The following ANO6 variants were observed in gnomAD, a reference collection of about 807,000 sequenced individuals.
The protein encoded by ANO6 is anoctamin 6, also known as anoctamin-6.
In ANO6, 106 loss-of-function variants were observed where a neutral mutation model predicts 117.5. The observed-to-expected ratio is 0.90, with a 90% CI of 0.77 to 1.06. ANO6 has a LOEUF of 1.06. ANO6 is among the 50% of genes least tolerant of loss of function. The pLI, the probability that ANO6 is intolerant of heterozygous loss-of-function variation, is 0.00. For missense variants in ANO6, 955 were observed against 1,121.1 expected (o/e 0.85, Z 2.12); for synonymous variants, 367 against 385.1 (o/e 0.95, Z 0.55).
chr12:45,256,440 A>T (rs772747544), intron 1 of ANO6: 2 of 152,164 alleles, frequency 1.3e-5, no homozygotes, highest in Non-Finnish European at 2.9e-5. Flanking sequence ...GATTGTTACT[A>T]CTGTTAATCA....
intron 2 of ANO6, among the ~76,000 whole-genome samples, chr12:45,316,686 G>C (rs1404592175): frequency 6.6e-6 from 1 of 151,754 alleles, no homozygotes; most frequent in Non-Finnish European, 1.5e-5. Context: ...TTTCTTAGGT[G>C]TTATAGATTA....
intron 1 of ANO6, among the ~76,000 whole-genome samples, chr12:45,286,127 T>A (rs1938906321): frequency 6.6e-6 from 1 of 152,178 alleles, no homozygotes; most frequent in Non-Finnish European, 1.5e-5. Context: ...CTGTTTTACC[T>A]CTGAGCAGCA....
intron 1 of ANO6, among the ~76,000 whole-genome samples, chr12:45,275,947 C>G (rs1938541306): frequency 6.6e-6 from 1 of 152,118 alleles, no homozygotes; most frequent in African/African-American, 2.4e-5. Context: ...ATCTCCAACA[C>G]TGAGCTCTTC....
chr12:45,276,203 A>G (rs1938549267), intron 1 of ANO6, among the ~76,000 whole-genome samples: 1 of 152,094 alleles, frequency 6.6e-6, no homozygotes, highest in African/African-American at 2.4e-5. Flanking sequence ...TCTACCTTCA[A>G]AATGATTTTG....
chr12:45,382,274 C>T (rs978792948), intron 10 of ANO6, among the ~76,000 whole-genome samples: 1 of 152,148 alleles, frequency 6.6e-6, no homozygotes, highest in Admixed American at 6.5e-5. Context: ...CAGGTGCAGA[C>T]CCTTCTTTCT....
intron 1 of ANO6, among the ~76,000 whole-genome samples, chr12:45,288,428 A>G (rs1304987682): frequency 1.3e-5 from 2 of 150,536 alleles, no homozygotes; most frequent in African/African-American, 5.0e-5. Flanking sequence ...GGCAACCTCC[A>G]TTCTACTTTC....
At chr12:45,263,367 C>CTTTTT (rs72457782) in intron 1 of ANO6, among the ~76,000 whole-genome samples, 1 of 79,172 alleles carries the variant, frequency 1.3e-5, no homozygotes, top group Non-Finnish European at 2.3e-5. Context: ...CTGGCCTGGC[C>CTTTTT]TTTTTTTTTT....
intron 1 of ANO6, chr12:45,292,661 A>G (rs1939141464): frequency 3.3e-6 from 4 of 1,225,670 alleles, no homozygotes; most frequent in Admixed American, 4.0e-5. Flanking sequence ...TAACTTCTAG[A>G]TGTATTTTTA....
At chr12:45,295,581 T>C (rs887349745) in intron 1 of ANO6, among the ~76,000 whole-genome samples, 1 of 152,130 alleles carries the variant, frequency 6.6e-6, no homozygotes, top group South Asian at 2.1e-4. Context: ...TGAGACAGAG[T>C]CTTACTCGGT....
intron 3 of ANO6, among the ~76,000 whole-genome samples, chr12:45,342,943 C>G (rs745749648): frequency 3.3e-5 from 5 of 152,116 alleles, no homozygotes; most frequent in Non-Finnish European, 5.9e-5. Context: ...GGATAGACTT[C>G]TGACACCAAG....
At chr12:45,227,170 A>G (rs929263418) in intron 1 of ANO6, among the ~76,000 whole-genome samples, 8 of 151,850 alleles carry the variant, frequency 5.3e-5, no homozygotes, top group Non-Finnish European at 1.0e-4. Flanking sequence ...TTGTATTTTT[A>G]GTAGAGACAA....
chr12:45,300,276 G>C lies in ANO6; in HGVS notation c.71-1738G>C, dbSNP rs146404272. Reference sequence around the variant, plus strand: ...AGTCACTGTAGCCTCAACCTCCCAGGCTCAAGCAATCTTTCCACCTCAACC... The same window carrying C: ...AGTCACTGTAGCCTCAACCTCCCAGCCTCAAGCAATCTTTCCACCTCAACC... On this transcript the variant is annotated intron_variant, in intron 1 of 19. Transcript: ENST00000320560. Among the ~76,000 whole-genome samples, 188 of 152,240 alleles carry C rather than the reference G, an allele frequency of 1.2e-3. 1 individual carries two copies. The highest frequency in any genetic ancestry group is 4.4e-3 in the African/African-American group (182 of 41,554).
intron 3 of ANO6, among the ~76,000 whole-genome samples, chr12:45,341,826 A>G (rs763180210): frequency 1.3e-5 from 2 of 152,144 alleles, no homozygotes; most frequent in African/African-American, 2.4e-5. Context: ...ATGAGCCTCT[A>G]AGCCCTGCAG....
At chr12:45,438,342 T>C (rs1299688702) in intron 19 of ANO6, among the ~76,000 whole-genome samples, 3 of 152,042 alleles carry the variant, frequency 2.0e-5, no homozygotes, top group African/African-American at 4.8e-5. Context: ...TTCCTGGAAA[T>C]CCTGGAGTCC....
chr12:45,408,591 G>C (rs113818392), intron 15 of ANO6, among the ~76,000 whole-genome samples: 1 of 152,164 alleles, frequency 6.6e-6, no homozygotes, highest in Non-Finnish European at 1.5e-5. Flanking sequence ...TGGAGGAGGC[G>C]TTTCACTCCT....
intron 2 of ANO6, among the ~76,000 whole-genome samples, chr12:45,326,820 G>A (rs146418092): frequency 6.6e-6 from 1 of 152,278 alleles, no homozygotes; most frequent in African/African-American, 2.4e-5. Context: ...GGTTCACAGT[G>A]GCTGTAAATC....
intron 1 of ANO6, among the ~76,000 whole-genome samples, chr12:45,259,411 T>C (rs1297347202): frequency 6.6e-6 from 1 of 152,216 alleles, no homozygotes; most frequent in Non-Finnish European, 1.5e-5. Context: ...TTTCATGAAC[T>C]ATAAAAGGTT....
intron 1 of ANO6, among the ~76,000 whole-genome samples, chr12:45,246,379 AC>A (rs1947825285): frequency 1.3e-5 from 2 of 152,108 alleles, no homozygotes; most frequent in Admixed American, 6.6e-5. Context: ...GATTTTTTTA[AC>A]CTGGGTCAAT....
At chr12:45,268,156 C>T (rs1406392332) in intron 1 of ANO6, among the ~76,000 whole-genome samples, 1 of 152,156 alleles carries the variant, frequency 6.6e-6, no homozygotes, top group Non-Finnish European at 1.5e-5. Flanking sequence ...ACCTAATCAC[C>T]TATTAACAGG....
Sources: gnomAD v4.1 joint callset for allele counts (sites outside exome capture counted in the v4.1 genomes callset) on GRCh38, gnomAD v4.1.1 for gene constraint, MANE v1.5 for transcripts, NCBI Gene and HGNC (gene_info 2026-07-23, HGNC 2026-07-21) for gene names.